PTPRG: variants seen among roughly 807,000 people sequenced by gnomAD.
PTPRG encodes receptor-type tyrosine-protein phosphatase gamma.
A neutral mutation model predicts 165.3 loss-of-function variants in PTPRG; 102 were observed. The ratio of observed to expected loss-of-function variants is 0.62; its 90% CI spans 0.53 to 0.73. The LOEUF (loss-of-function observed/expected upper bound fraction) is 0.73. PTPRG is among the 30% of genes least tolerant of loss of function. The pLI is 0.00. For missense variants in PTPRG, 1,866 were observed against 1,861.4 expected (o/e 1.00, Z -0.05); for synonymous variants, 675 against 669.5 (o/e 1.01, Z -0.13).
intron 4 of PTPRG, among the ~76,000 whole-genome samples, chr3:62,013,527 G>T (rs1559746238): frequency 6.6e-6 from 1 of 152,174 alleles, no homozygotes; most frequent in African/African-American, 2.4e-5. Flanking sequence ...AAAATGTATT[G>T]TATGCAGTAT....
At chr3:62,025,694 T>A (rs2041789157) in intron 4 of PTPRG, among the ~76,000 whole-genome samples, 1 of 152,200 alleles carries the variant, frequency 6.6e-6, no homozygotes, top group Non-Finnish European at 1.5e-5. Flanking sequence ...AACAATTCTT[T>A]TATGAACTAA....
chr3:62,184,257 A>T (rs1705780400), intron 8 of PTPRG, among the ~76,000 whole-genome samples: 1 of 152,314 alleles, frequency 6.6e-6, no homozygotes, highest in Admixed American at 6.5e-5. Context: ...GGAAATGCAC[A>T]TTACACTGGA....
intron 1 of PTPRG, among the ~76,000 whole-genome samples, chr3:61,652,347 G>A (rs1204016462): frequency 1.3e-5 from 2 of 152,244 alleles, no homozygotes; most frequent in South Asian, 2.1e-4. Context: ...CAAATAAATA[G>A]TGCTCTATTC....
At chr3:62,120,954 GT>G (rs1297832307) in intron 5 of PTPRG, among the ~76,000 whole-genome samples, 1 of 150,764 alleles carries the variant, frequency 6.6e-6, no homozygotes, top group East Asian at 2.0e-4. Flanking sequence ...ATAGCTATAG[GT>G]TTTTTTTCAC....
chr3:62,009,160 C>A (rs754201235), intron 4 of PTPRG, among the ~76,000 whole-genome samples: 2 of 152,118 alleles, frequency 1.3e-5, no homozygotes, highest in Non-Finnish European at 2.9e-5. Flanking sequence ...GAAAAAGTAT[C>A]CAGGGCCATT....
At chr3:61,682,576 C>G (rs1247180311) in intron 1 of PTPRG, among the ~76,000 whole-genome samples, 2 of 152,198 alleles carry the variant, frequency 1.3e-5, no homozygotes, top group Non-Finnish European at 1.5e-5. Context: ...GTTCATTTAT[C>G]ATTTCTGTCC....
chr3:61,783,618 C>T (rs538001279), intron 2 of PTPRG, among the ~76,000 whole-genome samples: 3 of 151,986 alleles, frequency 2.0e-5, no homozygotes, highest in South Asian at 4.2e-4. Flanking sequence ...GTGTGTGCTG[C>T]GGGTTGAGAT....
intron 2 of PTPRG, among the ~76,000 whole-genome samples, chr3:61,839,812 C>G (rs953328574): frequency 3.3e-5 from 5 of 152,164 alleles, no homozygotes; most frequent in Non-Finnish European, 5.9e-5. Context: ...GCTTCCCTCA[C>G]CTCTCAACTC....
intron 28 of PTPRG, among the ~76,000 whole-genome samples, chr3:62,290,195 T>A (rs1223708032): frequency 6.6e-6 from 1 of 152,028 alleles, no homozygotes; most frequent in Non-Finnish European, 1.5e-5. Flanking sequence ...CAATAAAACC[T>A]AGTTAAAAGC....
chr3:62,084,155 A>C (rs1028865143), intron 5 of PTPRG, among the ~76,000 whole-genome samples: 9 of 152,248 alleles, frequency 5.9e-5, no homozygotes, highest in Admixed American at 1.3e-4. Context: ...CATCAGAAAC[A>C]AAGATATAAA....
At chr3:62,200,603 T>G (rs974123440) in intron 10 of PTPRG, among the ~76,000 whole-genome samples, 2 of 152,190 alleles carry the variant, frequency 1.3e-5, no homozygotes, top group Non-Finnish European at 2.9e-5. Flanking sequence ...AATTCTGTCA[T>G]GTATTTTACC....
chr3:61,961,274 G>A (rs2040146596), intron 2 of PTPRG, among the ~76,000 whole-genome samples: 1 of 152,142 alleles, frequency 6.6e-6, no homozygotes, highest in Non-Finnish European at 1.5e-5. Context: ...TTATTCATTG[G>A]TTTGAGTTCA....
In PTPRG at chr3:62,191,660, A is replaced by C. The variant is rs558094828; in HGVS notation, c.1218+7A>C. ...GGACAGCGACAAAGACTTGGTATGA[A>C]GCCCCTCCTCTGATTCAGGGTACAT... On this transcript the variant is annotated splice_region_variant and intron_variant, in intron 9 of 29. Transcript: ENST00000474889. 1 of 1,613,146 alleles carries C rather than the reference A, an allele frequency of 6.2e-7. No homozygotes were observed. Among genetic ancestry groups the C allele is most frequent in the Non-Finnish European group, 8.5e-7 (1 of 1,179,276 alleles).
chr3:61,819,885 C>G (rs1168471469), intron 2 of PTPRG, among the ~76,000 whole-genome samples: 1 of 152,110 alleles, frequency 6.6e-6, no homozygotes, highest in Non-Finnish European at 1.5e-5. Flanking sequence ...CTGATTGAAG[C>G]AAACACGTTG....
At chr3:61,567,962 C>T (rs6785899) in intron 1 of PTPRG, among the ~76,000 whole-genome samples, 56,544 of 124,356 alleles carry the variant, frequency 0.45, 11,600 homozygotes, top group East Asian at 0.64. Context: ...TGAGACCCTG[C>T]CTCAAAAAAA....
At chr3:61,850,863 T>G (rs1373388324) in intron 2 of PTPRG, among the ~76,000 whole-genome samples, 1 of 152,174 alleles carries the variant, frequency 6.6e-6, no homozygotes, top group Non-Finnish European at 1.5e-5. Flanking sequence ...AAACATGCCT[T>G]TGTATGAAAC....
chr3:61,747,025 A>G (rs2033234050), intron 1 of PTPRG, among the ~76,000 whole-genome samples: 1 of 152,096 alleles, frequency 6.6e-6, no homozygotes, highest in African/African-American at 2.4e-5. Context: ...TCAAGAGGCT[A>G]AGTTGGGAGG....
chr3:61,657,332 C>T (rs1170848444), intron 1 of PTPRG, among the ~76,000 whole-genome samples: 1 of 152,024 alleles, frequency 6.6e-6, no homozygotes, highest in African/African-American at 2.4e-5. Flanking sequence ...GTTTTATAAC[C>T]AGTTTCAGGG....
intron 1 of PTPRG, among the ~76,000 whole-genome samples, chr3:61,699,465 A>G (rs2030826866): frequency 1.3e-5 from 2 of 152,198 alleles, no homozygotes; most frequent in South Asian, 2.1e-4. Context: ...CCACAGTTTG[A>G]GAATCTATGT....
Sources: gnomAD v4.1 joint callset for allele counts (sites outside exome capture counted in the v4.1 genomes callset) on GRCh38, gnomAD v4.1.1 for gene constraint, MANE v1.5 for transcripts, NCBI Gene and HGNC (gene_info 2026-07-23, HGNC 2026-07-21) for gene names.